RPTOR: variants seen among roughly 807,000 people sequenced by gnomAD.
RPTOR encodes regulatory-associated protein of mTOR.
Under a neutral mutation model 169.9 loss-of-function variants are expected in RPTOR, and 21 were observed. The ratio of observed to expected loss-of-function variants is 0.12; its 90% confidence interval spans 0.09 to 0.18. The LOEUF (loss-of-function observed/expected upper bound fraction) is 0.18. Among genes scored for constraint, RPTOR ranks in the 10% least tolerant of loss-of-function variants. The pLI is 1.00. For missense variants in RPTOR, 1,133 were observed against 1,855.9 expected (o/e 0.61, Z 7.16); for synonymous variants, 732 against 753.2 (o/e 0.97, Z 0.46).
intron 1 of RPTOR, among the ~76,000 whole-genome samples, chr17:80,590,845 T>C (rs2065099745): frequency 6.6e-6 from 1 of 152,208 alleles, no homozygotes; most frequent in African/African-American, 2.4e-5. Context: ...AGGAGTGTTT[T>C]TCTATTTTTT....
chr17:80,905,413 G>A (rs1361934661), intron 20 of RPTOR, among the ~76,000 whole-genome samples: 9 of 145,250 alleles, frequency 6.2e-5, no homozygotes, highest in South Asian at 2.2e-4. Context: ...GGTGAAACCC[G>A]TCTCTACTAA....
At chr17:80,602,431 C>A (rs1295728698) in intron 1 of RPTOR, 2 of 253,702 alleles carry the variant, frequency 7.9e-6, no homozygotes, top group Non-Finnish European at 1.5e-5. Flanking sequence ...GCTGACCCCC[C>A]CACCTCCCTC....
chr17:80,791,611 A>G (rs1298263783), intron 7 of RPTOR, 102 bp downstream of exon 7: 1 of 990,462 alleles, frequency 1.0e-6, no homozygotes. Flanking sequence ...TCAACATGGC[A>G]TGTTCCCTTT....
At chr17:80,870,672 T>C (rs980381083) in intron 13 of RPTOR, among the ~76,000 whole-genome samples, 2 of 152,260 alleles carry the variant, frequency 1.3e-5, no homozygotes, top group Non-Finnish European at 2.9e-5. Context: ...TGGTGGGGGC[T>C]AGTCTAGTTA....
At chr17:80,672,841 C>T (rs1294559797) in intron 3 of RPTOR, among the ~76,000 whole-genome samples, 2 of 152,130 alleles carry the variant, frequency 1.3e-5, no homozygotes. Context: ...GATCAAGACA[C>T]TTTTGTAAAT....
Position 80,730,663 on chromosome 17 carries a change from A to G in RPTOR, c.611A>G (p.Lys204Arg). 1 of 1,613,230 alleles carries G rather than the reference A, an allele frequency of 6.2e-7. No individual in the cohort carries two copies. ...TGCTCCAATGCTGGCTTGATCGTCA[A>G]GTCCTTCAAGCAGTTCGCACTACAG... ...YDCSNAGLIV[K>R]SFKQFALQRE... Residue 204 changes from lysine (K) to arginine (R), a missense_variant, in exon 5 of 34, where the codon AAG becomes AGG. By Grantham distance (26) the Lys-to-Arg change is conservative (BLOSUM62 2). Coordinates refer to ENST00000306801, the MANE Select transcript of RPTOR (RefSeq NM_020761.3). This position sits in a 1 kb window ranked among gnomAD's most constrained non-coding sequence, Gnocchi z 4.2.
rs1283519145 is a variant in RPTOR at position 80,562,155 on chromosome 17, C to A, written c.162+16364C>A. Among the ~76,000 whole-genome samples the A allele has an allele frequency of 1.3e-5, 2 of 152,050 alleles. No homozygotes were observed. Among genetic ancestry groups the A allele is most frequent in the African/African-American group, 2.4e-5 (1 of 41,388 alleles). On this transcript the variant is annotated intron_variant, in intron 1 of 33. Transcript: ENST00000306801. This position sits in a 1 kb window ranked among gnomAD's most constrained non-coding sequence, Gnocchi z 4.4. ...AGAGCCCCTGGAAGCAGAATTGCGA[C>A]CCTTGGTGACTGCTTGGGTGCAGGA... is the stretch of plus-strand genomic sequence containing the variant.
intron 7 of RPTOR, among the ~76,000 whole-genome samples, chr17:80,797,848 C>G (rs576604014): frequency 1.1e-4 from 16 of 152,298 alleles, no homozygotes; most frequent in African/African-American, 3.4e-4. Flanking sequence ...CTTTTTCCCA[C>G]GGGGGTCCCA....
intron 2 of RPTOR, among the ~76,000 whole-genome samples, chr17:80,628,635 TC>T (rs1313534813): frequency 9.2e-5 from 14 of 152,218 alleles, no homozygotes; most frequent in African/African-American, 3.4e-4. Flanking sequence ...GAATTTATTC[TC>T]CCCACCCTTT....
chr17:80,570,700 A>G (rs537117912), intron 1 of RPTOR, among the ~76,000 whole-genome samples: 5 of 152,128 alleles, frequency 3.3e-5, no homozygotes, highest in Non-Finnish European at 7.4e-5. Flanking sequence ...ACCTCAAGTG[A>G]TCTGCCTGCC....
At position 80,945,684 on chromosome 17, in the gene RPTOR, G is replaced by A. The variant is rs1187467897; in HGVS notation, c.3043G>A (p.Asp1015Asn). The A allele has an allele frequency of 8.7e-6, 14 of 1,610,750 alleles. No individual in the cohort carries two copies. The highest frequency in any genetic ancestry group is 1.7e-5 in the Admixed American group (1 of 59,632). ...TTTGACAGGCATTACGAGATTGGACGACCAAATATTTCTGAACAGGAACCC... is the reference window on the plus strand; with the variant it reads ...TTTGACAGGCATTACGAGATTGGACAACCAAATATTTCTGAACAGGAACCC... ...VIQKGITRLD[D>N]QIFLNRNPGV... Residue 1015 changes from aspartate to asparagine, a missense_variant, in exon 26 of 34, where the codon GAC (aspartate) becomes AAC (asparagine). Asp to Asn is a conservative substitution (Grantham distance 23). Around this residue, in one of 9 missense-constraint regions of RPTOR, gnomAD observed 410 missense variants for 623.7 expected, o/e 0.66. Coordinates refer to ENST00000306801, the MANE Select transcript of RPTOR (RefSeq NM_020761.3).
At chr17:80,582,895 T>C (rs1429142777) in intron 1 of RPTOR, among the ~76,000 whole-genome samples, 2 of 151,232 alleles carry the variant, frequency 1.3e-5, no homozygotes, top group Non-Finnish European at 2.9e-5. Context: ...TTTTAGTCTC[T>C]ATTATTCTTT....
At chr17:80,679,230 T>C (rs1191579298) in intron 3 of RPTOR, among the ~76,000 whole-genome samples, 3 of 152,172 alleles carry the variant, frequency 2.0e-5, no homozygotes, top group Non-Finnish European at 4.4e-5. Context: ...TGAGCCGAGA[T>C]TGTGCCACTG....
intron 3 of RPTOR, among the ~76,000 whole-genome samples, chr17:80,699,364 T>A (rs1449226967): frequency 6.2e-5 from 9 of 144,372 alleles, no homozygotes; most frequent in South Asian, 2.2e-4. Context: ...GATGGGGAGC[T>A]AGAGGTGCTA....
chr17:80,742,632 T>C (rs1284523380), intron 5 of RPTOR, among the ~76,000 whole-genome samples: 1 of 151,424 alleles, frequency 6.6e-6, no homozygotes, highest in Non-Finnish European at 1.5e-5. Flanking sequence ...CACGCACATA[T>C]ACATACATGT....
chr17:80,753,059 C>G (rs1383443205), intron 5 of RPTOR, among the ~76,000 whole-genome samples: 1 of 152,166 alleles, frequency 6.6e-6, no homozygotes, highest in African/African-American at 2.4e-5. Flanking sequence ...TCAAAAACAC[C>G]TCACCTTTCT....
chr17:80,835,863 G>A (rs1319102293), intron 9 of RPTOR, among the ~76,000 whole-genome samples: 2 of 152,222 alleles, frequency 1.3e-5, no homozygotes, highest in Admixed American at 1.3e-4. Flanking sequence ...TGTATCCGCG[G>A]AGATCAAGAC....
chr17:80,692,407 C>T lies in RPTOR; in HGVS notation c.349-15434C>T, dbSNP rs185192547. Among the ~76,000 whole-genome samples the T allele has an allele frequency of 4.7e-3, 713 of 152,262 alleles. 3 individuals carry two copies. The highest frequency in any genetic ancestry group is 7.9e-3 in the Non-Finnish European group (534 of 68,010). On this transcript the variant is annotated intron_variant, in intron 3 of 33. Coordinates refer to ENST00000306801, the MANE Select transcript of RPTOR (RefSeq NM_020761.3). The stretch of plus-strand genomic sequence containing the variant: ...CATGATCTCGGCTCACCGCAACCTC[C>T]ACCTCCCAGGTTCAAGCGATTCTCC...
At chr17:80,956,113 G>GA (rs1278820654) in intron 28 of RPTOR, among the ~76,000 whole-genome samples, 1 of 152,100 alleles carries the variant, frequency 6.6e-6, no homozygotes, top group African/African-American at 2.4e-5. Context: ...GCGTAAGCAG[G>GA]AAAACCTCAG....
Sources: allele counts gnomAD v4.1 joint callset (sites outside exome capture counted in the v4.1 genomes callset), GRCh38; gene constraint gnomAD v4.1.1; regional missense constraint gnomAD v4.1.1; non-coding constraint Gnocchi (gnomAD v3.1); transcripts MANE v1.5; gene names NCBI Gene and HGNC (gene_info 2026-07-23, HGNC 2026-07-21).